SPPL3: variants seen among roughly 807,000 people sequenced by gnomAD.
SPPL3 encodes the protein signal peptide peptidase like 3.
SPPL3 carries 5 observed loss-of-function variants against 42.4 expected under a neutral mutation model. The observed-to-expected ratio is 0.12, with a 90% CI of 0.06 to 0.25. SPPL3 has a LOEUF of 0.25. SPPL3 is among the 10% of genes least tolerant of loss of function. The probability of loss-of-function intolerance (pLI) is 1.00; values close to 1 mark genes in which losing one functional copy is unlikely to be tolerated. For synonymous variants in SPPL3, 195 were observed against 181.8 expected (o/e 1.07, Z -0.58); for missense variants, 235 against 489.0 (o/e 0.48, Z 4.90).
intron 1 of SPPL3, among the ~76,000 whole-genome samples, chr12:120,874,758 T>A (rs1300564826): frequency 6.6e-6 from 1 of 151,734 alleles, no homozygotes; most frequent in Non-Finnish European, 1.5e-5. Context: ...GGAGAGGATG[T>A]GTGAGTGTGA....
intron 1 of SPPL3, among the ~76,000 whole-genome samples, chr12:120,814,086 T>C (rs10849795): frequency 0.059 from 8,915 of 152,086 alleles, 515 homozygotes; most frequent in East Asian, 0.3. Flanking sequence ...ATGGGAGGGA[T>C]ACACCAAAAA....
chr12:120,831,567 G>T (rs1871427152), intron 1 of SPPL3, among the ~76,000 whole-genome samples: 1 of 152,068 alleles, frequency 6.6e-6, no homozygotes, highest in Non-Finnish European at 1.5e-5. Flanking sequence ...GGATACCTTG[G>T]GAATTCATGT....
chr12:120,813,372 C>T (rs1490914989), intron 1 of SPPL3, among the ~76,000 whole-genome samples: 2 of 147,442 alleles, frequency 1.4e-5, no homozygotes, highest in Non-Finnish European at 3.0e-5. Context: ...GGCTGGAGTG[C>T]AATGGCACGA....
intron 1 of SPPL3, among the ~76,000 whole-genome samples, chr12:120,823,374 G>C (rs1016726428): frequency 6.6e-6 from 1 of 152,014 alleles, no homozygotes; most frequent in Admixed American, 6.5e-5. Flanking sequence ...GCACTCCATG[G>C]AATTTGCTCT....
intron 2 of SPPL3, among the ~76,000 whole-genome samples, chr12:120,806,979 G>C (rs553688039): frequency 6.6e-6 from 1 of 152,210 alleles, no homozygotes; most frequent in Non-Finnish European, 1.5e-5. Context: ...ACGTGAAATT[G>C]GTAAAGTGGC....
intron 1 of SPPL3, among the ~76,000 whole-genome samples, chr12:120,880,870 A>C (rs1873257347): frequency 6.6e-6 from 1 of 151,840 alleles, no homozygotes; most frequent in African/African-American, 2.4e-5. Context: ...GCTCAACAAC[A>C]ATCAACCCAG....
chr12:120,782,035 G>A (rs1047740199), intron 6 of SPPL3, among the ~76,000 whole-genome samples: 3 of 152,096 alleles, frequency 2.0e-5, no homozygotes, highest in Non-Finnish European at 2.9e-5. Context: ...ACCATGCCCA[G>A]ATGATTTTTA....
At chr12:120,892,210 C>T (rs1256672380) in intron 1 of SPPL3, among the ~76,000 whole-genome samples, 1 of 152,076 alleles carries the variant, frequency 6.6e-6, no homozygotes, top group African/African-American at 2.4e-5. Context: ...ATCTGAGCAC[C>T]TACTATCTGT....
At chr12:120,883,993 CA>C (rs925874654) in intron 1 of SPPL3, among the ~76,000 whole-genome samples, 2 of 151,628 alleles carry the variant, frequency 1.3e-5, no homozygotes, top group African/African-American at 4.8e-5. Context: ...CCCAGCTACT[CA>C]GGAGGCTGAG....
At chr12:120,793,470 G>A (rs1382757530) in intron 2 of SPPL3, among the ~76,000 whole-genome samples, 1 of 152,182 alleles carries the variant, frequency 6.6e-6, no homozygotes. Context: ...GCAACAAAGT[G>A]AGACACTGTC....
chr12:120,895,745 TAA>T (rs58279381), intron 1 of SPPL3, among the ~76,000 whole-genome samples: 11 of 151,604 alleles, frequency 7.3e-5, no homozygotes, highest in Non-Finnish European at 1.6e-4. Context: ...ATTATCTCAC[TAA>T]ATCCTCACAA....
chr12:120,797,888 C>T (rs532776854), intron 2 of SPPL3, among the ~76,000 whole-genome samples: 2 of 152,266 alleles, frequency 1.3e-5, no homozygotes, highest in African/African-American at 4.8e-5. Context: ...CTACTAACAG[C>T]CTGACTCTAG....
intron 1 of SPPL3, chr12:120,845,091 GA>G: frequency 2.7e-6 from 1 of 372,582 alleles, no homozygotes. Flanking sequence ...AGAGGAGTGA[GA>G]GGGAGGGGTG....
intron 1 of SPPL3, among the ~76,000 whole-genome samples, chr12:120,867,676 A>G (rs1872796152): frequency 6.6e-6 from 1 of 151,272 alleles, no homozygotes. Flanking sequence ...ATATATATAC[A>G]TACTTAATGG....
In SPPL3 at chr12:120,827,328, C is replaced by CAATAATAAT. The variant is rs71076662; in HGVS notation, c.24-16451_24-16443dup. On this transcript the variant is annotated intron_variant, in intron 1 of 10. Transcript: ENST00000353487. ...ATAACTGCTGCTATAATAACAGGAA[C>CAATAATAAT]AATAATAATAATAATAATAATAATA... Among the ~76,000 whole-genome samples the CAATAATAAT allele has an allele frequency of 2.7e-3, 389 of 145,622 alleles. 3 individuals carry two copies. Among genetic ancestry groups the CAATAATAAT allele is most frequent in the African/African-American group, 9.0e-3 (358 of 39,958 alleles).
intron 1 of SPPL3, among the ~76,000 whole-genome samples, chr12:120,857,124 C>G (rs974926400): frequency 6.6e-6 from 1 of 152,062 alleles, no homozygotes; most frequent in Non-Finnish European, 1.5e-5. Flanking sequence ...GAGTAATGAC[C>G]AGATGTCTGA....
chr12:120,765,289 ATT>A (rs11290474), intron 10 of SPPL3, among the ~76,000 whole-genome samples: 49 of 145,766 alleles, frequency 3.4e-4, no homozygotes, highest in South Asian at 8.7e-4. Context: ...CCTTTCTGAT[ATT>A]TTTTTTTTTT....
At chr12:120,771,072 A>T (rs555781458) in intron 6 of SPPL3, among the ~76,000 whole-genome samples, 83 of 152,090 alleles carry the variant, frequency 5.5e-4, no homozygotes, top group South Asian at 1.5e-3. Context: ...TGCTGCAATG[A>T]CCTCCTCCCT....
chr12:120,898,953 C>A (rs1321030417), intron 1 of SPPL3, among the ~76,000 whole-genome samples: 1 of 152,190 alleles, frequency 6.6e-6, no homozygotes, highest in Non-Finnish European at 1.5e-5. Context: ...GGGTTCAATA[C>A]CAGTTATATA....
Sources: allele counts gnomAD v4.1 joint callset (sites outside exome capture counted in the v4.1 genomes callset), GRCh38; gene constraint gnomAD v4.1.1; transcripts MANE v1.5; gene names NCBI Gene and HGNC (gene_info 2026-07-23, HGNC 2026-07-21).